NLRC4: variants seen among roughly 807,000 people sequenced by gnomAD.
The protein encoded by NLRC4 is NLR family CARD domain containing 4.
In NLRC4, 63 loss-of-function variants were observed where a neutral mutation model predicts 79.9. The observed-to-expected ratio is 0.79, with a 90% confidence interval of 0.64 to 0.97. The LOEUF is 0.97. Among genes scored for constraint, NLRC4 ranks in the 50% least tolerant of loss-of-function variants. The probability of loss-of-function intolerance (pLI) is 0.00; values close to 1 mark genes in which losing one functional copy is unlikely to be tolerated. For missense variants in NLRC4, 1,074 were observed against 1,215.2 expected (o/e 0.88, Z 1.73); for synonymous variants, 461 against 456.5 (o/e 1.01, Z -0.12).
chr2:32,232,605 C>T (rs1201548920), intron 8 of NLRC4, among the ~76,000 whole-genome samples: 1 of 152,186 alleles, frequency 6.6e-6, no homozygotes, highest in African/African-American at 2.4e-5. Context: ...CACTCAAAGT[C>T]ATTGCCTGAA....
At chr2:32,225,313 G>A (rs1404016877) in intron 8 of NLRC4, among the ~76,000 whole-genome samples, 1 of 151,968 alleles carries the variant, frequency 6.6e-6, no homozygotes. Flanking sequence ...ATTCCTTACA[G>A]AATAGGGCAC....
chr2:32,253,036 T>C (rs1033409309), intron 2 of NLRC4, among the ~76,000 whole-genome samples: 8 of 152,004 alleles, frequency 5.3e-5, no homozygotes, highest in African/African-American at 1.9e-4. Flanking sequence ...AAATTAAATA[T>C]GCATATCAGC....
rs561483077 is a variant in NLRC4, at chr2:32,260,905, T to C, written c.-119+3833A>G. ...TCTCAAGTTCATCTATAAAACCCCA[T>C]GCATTGGCTGGGTGCAGTGGCTCAC... On this transcript the variant is annotated intron_variant, in intron 1 of 8. Transcript: ENST00000402280. Among the ~76,000 whole-genome samples the C allele has an allele frequency of 5.9e-5, 9 of 152,226 alleles. No homozygotes were observed. The South Asian group carries it at 1.0e-3, about 18-fold the overall frequency.
At chr2:32,226,322 A>G (rs551027922) in intron 8 of NLRC4, among the ~76,000 whole-genome samples, 141 of 152,354 alleles carry the variant, frequency 9.3e-4, no homozygotes, top group African/African-American at 3.2e-3. Context: ...GCAACTAAGT[A>G]CATTCTAGAG....
At chr2:32,240,828 G>T (rs1161216043) in intron 5 of NLRC4, among the ~76,000 whole-genome samples, 1 of 152,162 alleles carries the variant, frequency 6.6e-6, no homozygotes, top group African/African-American at 2.4e-5. Context: ...TCCCAAAAGG[G>T]TTACCATCTG....
At chr2:32,263,476 T>C (rs1687399072) in intron 1 of NLRC4, among the ~76,000 whole-genome samples, 1 of 152,178 alleles carries the variant, frequency 6.6e-6, no homozygotes, top group African/African-American at 2.4e-5. Context: ...CAATCTCACA[T>C]GTTAATATTA....
chr2:32,257,347 C>T (rs1224410923), intron 1 of NLRC4, among the ~76,000 whole-genome samples: 1 of 152,170 alleles, frequency 6.6e-6, no homozygotes, highest in Non-Finnish European at 1.5e-5. Flanking sequence ...GTGGCTCACG[C>T]CTGTAATCCC....
chr2:32,248,118 C>T (rs1009808021), intron 4 of NLRC4, among the ~76,000 whole-genome samples: 2 of 152,120 alleles, frequency 1.3e-5, no homozygotes, highest in Non-Finnish European at 1.5e-5. Flanking sequence ...AACAAAACTG[C>T]ACTTGTACCC....
intron 4 of NLRC4, among the ~76,000 whole-genome samples, chr2:32,242,092 C>T (rs1472299331): frequency 2.0e-5 from 3 of 152,080 alleles, no homozygotes; most frequent in Admixed American, 2.0e-4. Flanking sequence ...AGGCTGGTCT[C>T]GGACTCCTGA....
At chr2:32,233,207 AAAGGAAGAAGGAAGGGAGGGAGGG>A in intron 8 of NLRC4, among the ~76,000 whole-genome samples, 1 of 111,364 alleles carries the variant, frequency 9.0e-6, no homozygotes, top group East Asian at 3.1e-4. Flanking sequence ...GGAGGGAGGG[AAAGGAAGAAGGAAGGGAGGGAGGG>A]AAGGAGGGGA....
intron 5 of NLRC4, among the ~76,000 whole-genome samples, chr2:32,240,608 C>T (rs1686777010): frequency 6.6e-6 from 1 of 151,968 alleles, no homozygotes; most frequent in African/African-American, 2.4e-5. Context: ...CATGCTTCCC[C>T]CAAAGTTTTC....
At position 32,250,234 on chromosome 2, in the gene NLRC4, C is replaced by T. The variant is rs774546369; in HGVS notation, c.1630G>A (p.Glu544Lys). 6.2e-7 allele frequency: 1 copy of T among 1,614,060 alleles called. No individual in the cohort carries two copies. The highest frequency in any genetic ancestry group is 1.3e-5 in the African/African-American group (1 of 74,932). Reference sequence around the variant, plus strand: ...TTGATGTTTATGGCTTTCAGAATTTCTTGCTCAGTGGTGTTTTTCACACTT... The same window carrying T: ...TTGATGTTTATGGCTTTCAGAATTTTTTGCTCAGTGGTGTTTTTCACACTT... ...LQSVKNTTEQ[E>K]ILKAININSF... The change falls in exon 4 of 9, where the codon GAA becomes AAA. Residue 544 changes from glutamate to lysine, a missense_variant. Transcript: ENST00000402280. This position sits in a 1 kb window ranked among gnomAD's most constrained non-coding sequence, Gnocchi z 4.9.
intron 8 of NLRC4, among the ~76,000 whole-genome samples, chr2:32,228,964 C>A (rs1205437331): frequency 2.0e-5 from 3 of 151,458 alleles, no homozygotes; most frequent in Non-Finnish European, 4.4e-5. Flanking sequence ...CAGGGTTTCA[C>A]CATGTTGGCC....
At chr2:32,252,346 C>A in intron 3 of NLRC4, 73 bp downstream of exon 3, 1 of 1,102,020 alleles carries the variant, frequency 9.1e-7, no homozygotes, top group Non-Finnish European at 1.4e-6. Context: ...AGAGGCTCTG[C>A]CATGGGGAAG....
chr2:32,250,285 G>C lies in NLRC4; in HGVS notation c.1579C>G (p.Pro527Ala). 6.2e-7 allele frequency: 1 copy of C among 1,614,204 alleles called. No homozygotes were observed. The highest frequency in any genetic ancestry group is 8.5e-7 in the Non-Finnish European group (1 of 1,180,038). The part of the protein sequence containing the change: ...CLLGLSIAKR[P>A]LWRQESLQSV... ...TGCAAAGATTCCTGTCTCCAGAGAG[G>C]CCTCTTGGCGATGGAAAGTCCGAGA... Residue 527 changes from proline (P) to alanine (A), a missense_variant, in exon 4 of 9, where the codon CCT becomes GCT. Pro to Ala is a conservative substitution (Grantham distance 27). Coordinates refer to ENST00000402280, the MANE Select transcript of NLRC4 (RefSeq NM_001199138.2). The surrounding 1 kb of genome is among the most constrained non-coding windows in gnomAD (Gnocchi z 4.9).
At chr2:32,255,247 G>C (rs7608952) in intron 2 of NLRC4, among the ~76,000 whole-genome samples, 1,634 of 152,196 alleles carry the variant, frequency 0.011, 21 homozygotes, top group African/African-American at 0.038. Flanking sequence ...TCACCCGGGC[G>C]CAGTGGCTCA....
chr2:32,262,840 G>A (rs1687382940), intron 1 of NLRC4, among the ~76,000 whole-genome samples: 2 of 151,614 alleles, frequency 1.3e-5, no homozygotes, highest in South Asian at 4.2e-4. Flanking sequence ...CTATGGCCCT[G>A]CAACCCCTCC....
chr2:32,231,322 T>C (rs1686527521), intron 8 of NLRC4, among the ~76,000 whole-genome samples: 1 of 149,964 alleles, frequency 6.7e-6, no homozygotes, highest in Non-Finnish European at 1.5e-5. Flanking sequence ...GCCCGGCTAA[T>C]TTTTTTGTAT....
intron 8 of NLRC4, among the ~76,000 whole-genome samples, chr2:32,226,939 T>C (rs920168190): frequency 2.0e-5 from 3 of 152,192 alleles, no homozygotes; most frequent in Non-Finnish European, 4.4e-5. Context: ...CTGTCTCTCC[T>C]TATTCCATAG....
Sources: gnomAD v4.1 joint callset for allele counts (sites outside exome capture counted in the v4.1 genomes callset) on GRCh38, gnomAD v4.1.1 for gene constraint, Gnocchi (gnomAD v3.1) non-coding constraint, MANE v1.5 for transcripts, NCBI Gene and HGNC (gene_info 2026-07-23, HGNC 2026-07-21) for gene names.